RARB: variants seen among roughly 807,000 people sequenced by gnomAD.
RARB encodes HBV-activated protein.
RARB carries 17 observed loss-of-function variants against 51.9 expected under a neutral mutation model. The observed-to-expected ratio is 0.33, with a 90% CI of 0.22 to 0.49. The LOEUF is 0.49. Ranked by LOEUF, RARB falls within the 20% of genes least tolerant of loss-of-function variation. The probability of loss-of-function intolerance (pLI) is 0.99; values close to 1 mark genes in which losing one functional copy is unlikely to be tolerated. For missense variants in RARB, 369 were observed against 550.8 expected, an observed-to-expected ratio of 0.67 and a Z score of 3.30; for synonymous variants, 215 against 195.4, an observed-to-expected ratio of 1.10 and a Z score of -0.84.
intron 1 of RARB, among the ~76,000 whole-genome samples, chr3:24,832,632 T>TATATATATATATAG (rs1702297466): frequency 8.8e-6 from 1 of 114,216 alleles, no homozygotes; most frequent in African/African-American, 2.9e-5. Flanking sequence ...AGTCCCAATA[T>TATATATATATATAG]ATATATATAT....
At chr3:25,203,636 A>T (rs201980036) in intron 5 of RARB, among the ~76,000 whole-genome samples, 1 of 152,184 alleles carries the variant, frequency 6.6e-6, no homozygotes, top group African/African-American at 2.4e-5. Flanking sequence ...GGTGGTGACA[A>T]AATCTCTCAG....
intron 2 of RARB, among the ~76,000 whole-genome samples, chr3:24,928,051 A>G (rs1278118040): frequency 6.6e-6 from 1 of 152,080 alleles, no homozygotes; most frequent in Non-Finnish European, 1.5e-5. Context: ...ATTTTTGAAC[A>G]GAGCATTGCA....
At chr3:24,981,122 C>T (rs747519347) in intron 2 of RARB, among the ~76,000 whole-genome samples, 1 of 152,192 alleles carries the variant, frequency 6.6e-6, no homozygotes, top group Admixed American at 6.5e-5. Flanking sequence ...ATATTGCTGC[C>T]TGATCCTTCT....
intron 5 of RARB, among the ~76,000 whole-genome samples, chr3:25,258,436 C>T (rs1702919853): frequency 6.6e-6 from 1 of 152,034 alleles, no homozygotes; most frequent in African/African-American, 2.4e-5. Flanking sequence ...ATAGAAGCTG[C>T]TGGGAGGTTT....
intron 5 of RARB, among the ~76,000 whole-genome samples, chr3:25,314,487 G>C (rs915817249): frequency 1.3e-5 from 2 of 152,086 alleles, no homozygotes; most frequent in Admixed American, 1.3e-4. Flanking sequence ...TAAGTTTCTT[G>C]TGTTGCAACC....
chr3:24,960,622 T>C (rs1049076331), intron 2 of RARB, among the ~76,000 whole-genome samples: 2 of 152,216 alleles, frequency 1.3e-5, no homozygotes, highest in African/African-American at 4.8e-5. Flanking sequence ...AAATATGTGA[T>C]CTATTCCTTC....
At chr3:25,118,582 G>C (rs1327856111) in intron 3 of RARB, among the ~76,000 whole-genome samples, 4 of 152,136 alleles carry the variant, frequency 2.6e-5, no homozygotes, top group Non-Finnish European at 5.9e-5. Flanking sequence ...TGAGTTTAAG[G>C]TTATATTCCT....
chr3:25,057,748 C>A (rs1445077947), intron 2 of RARB, among the ~76,000 whole-genome samples: 3 of 151,936 alleles, frequency 2.0e-5, no homozygotes, highest in Non-Finnish European at 4.4e-5. Context: ...TTCAGACTTA[C>A]TAGAAGAAGA....
intron 1 of RARB, among the ~76,000 whole-genome samples, chr3:25,456,303 C>A (rs1694899529): frequency 6.6e-6 from 1 of 152,140 alleles, no homozygotes; most frequent in African/African-American, 2.4e-5. Context: ...AAAAGGAAAG[C>A]CATGGGCTGT....
At chr3:25,374,679 A>C (rs530651977) in intron 5 of RARB, among the ~76,000 whole-genome samples, 1 of 152,116 alleles carries the variant, frequency 6.6e-6, no homozygotes, top group African/African-American at 2.4e-5. Flanking sequence ...CTCCTGGGAC[A>C]AGAAGAAGAA....
rs561470803 is a variant in RARB at position 25,004,500 on chromosome 3, T to A, written c.-379-55625T>A. Among the ~76,000 whole-genome samples the A allele has an allele frequency of 4.6e-5, 7 of 152,272 alleles. No homozygotes were observed. The South Asian group carries it at 1.2e-3, about 27-fold the overall frequency. ...ACAGCAAGGGCTGAACTTGCCCTTT[T>A]ATGATGAAGCCATGATAACAGCATT... is the stretch of plus-strand genomic sequence containing the variant. On this transcript the variant is annotated intron_variant, in intron 2 of 11. Coordinates refer to the RARB transcript ENST00000383772.
At chr3:24,962,289 G>A (rs1444532364) in intron 2 of RARB, among the ~76,000 whole-genome samples, 1 of 152,130 alleles carries the variant, frequency 6.6e-6, no homozygotes, top group African/African-American at 2.4e-5. Flanking sequence ...CCTTGGCACT[G>A]TTGACATTTT....
chr3:25,413,482 G>A (rs763229037), intron 5 of RARB, among the ~76,000 whole-genome samples: 3 of 151,906 alleles, frequency 2.0e-5, no homozygotes, highest in Non-Finnish European at 4.4e-5. Context: ...CATTTTTATT[G>A]GGTGTATACA....
chr3:25,003,915 A>C (rs536201363), intron 2 of RARB, among the ~76,000 whole-genome samples: 9 of 152,276 alleles, frequency 5.9e-5, no homozygotes, highest in Non-Finnish European at 1.2e-4. Context: ...TTTCCTGGCC[A>C]TGTGATTAAC....
At chr3:25,544,348 T>G (rs1699518589) in intron 3 of RARB, among the ~76,000 whole-genome samples, 1 of 152,218 alleles carries the variant, frequency 6.6e-6, no homozygotes, top group South Asian at 2.1e-4. Context: ...GCCCATGTTG[T>G]TTTTTAAATG....
chr3:24,899,090 C>A (rs1224682430), intron 2 of RARB, among the ~76,000 whole-genome samples: 1 of 152,118 alleles, frequency 6.6e-6, no homozygotes, highest in Non-Finnish European at 1.5e-5. Flanking sequence ...CAGGCCCTGC[C>A]CCTGACCTTC....
chr3:25,102,807 T>G (rs772619357), intron 3 of RARB, among the ~76,000 whole-genome samples: 32 of 152,096 alleles, frequency 2.1e-4, no homozygotes, highest in Admixed American at 7.2e-4. Flanking sequence ...ATCCCAGCAC[T>G]TTGGGAGTCT....
intron 5 of RARB, among the ~76,000 whole-genome samples, chr3:25,250,015 C>A (rs966789109): frequency 8.2e-6 from 1 of 121,542 alleles, no homozygotes; most frequent in Non-Finnish European, 1.7e-5. Flanking sequence ...CCCTGGGCAT[C>A]AGAAATTGCT....
chr3:25,238,148 G>GCCC lies in RARB; in HGVS notation c.178+63574_178+63575insCCC, dbSNP rs138491550. Reference sequence around the variant, plus strand: ...TTAACCAACCTGTCTTCATCCTCCAGCGCCCCCCCACACATCCTTCCCAGT... The same window carrying GCCC: ...TTAACCAACCTGTCTTCATCCTCCAGCCCCGCCCCCCCACACATCCTTCCCAGT... On this transcript the variant is annotated intron_variant, in intron 5 of 11. Coordinates refer to the RARB transcript ENST00000383772. 2.8e-4 allele frequency among the ~76,000 whole-genome samples: 42 copies of GCCC among 149,520 alleles called. No individual in the cohort carries two copies. In the South Asian group the frequency reaches 5.8e-3, roughly 21 times the overall value.
Sources: allele counts gnomAD v4.1 joint callset (sites outside exome capture counted in the v4.1 genomes callset), GRCh38; gene constraint gnomAD v4.1.1; transcripts MANE v1.5; gene names NCBI Gene and HGNC (gene_info 2026-07-23, HGNC 2026-07-21).